The following COA1 variants were observed in gnomAD, a reference collection of about 807,000 sequenced individuals.
The protein encoded by COA1 is cytochrome c oxidase assembly factor 1 homolog.
In COA1, 13 loss-of-function variants were observed where a neutral mutation model predicts 16.0. The observed-to-expected ratio is 0.81, with a 90% CI of 0.53 to 1.29. COA1 has a LOEUF of 1.29. Among genes scored for constraint, COA1 ranks in the 50% most tolerant of loss-of-function variants. The pLI, the probability that COA1 is intolerant of heterozygous loss-of-function variation, is 0.00. For synonymous variants in COA1, 65 were observed against 65.7 expected (o/e 0.99, Z 0.05); for missense variants, 179 against 177.0 (o/e 1.01, Z -0.06).
chr7:43,612,159 G>A (rs897359494), intron 6 of COA1, among the ~76,000 whole-genome samples: 5 of 152,174 alleles, frequency 3.3e-5, no homozygotes, highest in African/African-American at 1.2e-4. Context: ...GGCCTTTGAT[G>A]TTGGAAACTG....
At chr7:43,665,231 A>C (rs1433145345) in intron 1 of COA1, among the ~76,000 whole-genome samples, 2 of 152,208 alleles carry the variant, frequency 1.3e-5, no homozygotes, top group African/African-American at 2.4e-5. Flanking sequence ...AAAAGATTTG[A>C]GCTTTCAATC....
At chr7:43,663,517 A>C (rs1424659442) in intron 1 of COA1, among the ~76,000 whole-genome samples, 1 of 152,068 alleles carries the variant, frequency 6.6e-6, no homozygotes, top group Admixed American at 6.6e-5. Context: ...AAAACTAAAG[A>C]CAAAAACTTA....
chr7:43,687,887 C>G (rs1987767), intron 1 of COA1, among the ~76,000 whole-genome samples: 107,611 of 151,992 alleles, frequency 0.71, 38,588 homozygotes, highest in African/African-American at 0.84. Context: ...ATCTTGAATT[C>G]TATCTCCCAG....
intron 6 of COA1, chr7:43,619,824 A>G (rs1436098149): frequency 1.5e-5 from 21 of 1,410,822 alleles, no homozygotes; most frequent in South Asian, 6.9e-5. Context: ...GCTATCTACT[A>G]TGTTGAAATT....
chr7:43,728,790 G>C (rs1160152354), intron 1 of COA1, among the ~76,000 whole-genome samples: 1 of 152,170 alleles, frequency 6.6e-6, no homozygotes, highest in Non-Finnish European at 1.5e-5. Flanking sequence ...GGGGAGAATG[G>C]GGAGGAATCA....
intron 1 of COA1, among the ~76,000 whole-genome samples, chr7:43,687,796 T>C (rs1298166444): frequency 6.6e-6 from 1 of 152,132 alleles, no homozygotes; most frequent in African/African-American, 2.4e-5. Context: ...AAAAATTCTT[T>C]GTAATTCAAG....
At chr7:43,624,489 T>C (rs781759654) in intron 6 of COA1, 1 of 1,574,448 alleles carries the variant, frequency 6.4e-7, no homozygotes, top group Non-Finnish European at 8.6e-7. Context: ...TTCTAACATG[T>C]CTTAACTGTA....
chr7:43,667,484 G>C (rs1482269491), intron 1 of COA1, among the ~76,000 whole-genome samples: 1 of 151,902 alleles, frequency 6.6e-6, no homozygotes. Flanking sequence ...CATAATTAAG[G>C]GTAAAGTTAT....
chr7:43,623,269 T>G, intron 6 of COA1: 1 of 293,444 alleles, frequency 3.4e-6, no homozygotes, highest in Non-Finnish European at 6.3e-6. Flanking sequence ...CATGATCTGA[T>G]AGAGACAATG....
chr7:43,721,380 C>T (rs2095502448), intron 1 of COA1, among the ~76,000 whole-genome samples: 1 of 152,192 alleles, frequency 6.6e-6, no homozygotes, highest in South Asian at 2.1e-4. Context: ...ATTAGTAAAT[C>T]CTATTATATA....
At chr7:43,676,528 G>A (rs897840891) in intron 1 of COA1, among the ~76,000 whole-genome samples, 8 of 152,130 alleles carry the variant, frequency 5.3e-5, no homozygotes, top group South Asian at 2.1e-4. Flanking sequence ...CTCATGTGCA[G>A]AAGCTAAAAA....
At chr7:43,682,289 A>C (rs2093803950) in intron 1 of COA1, among the ~76,000 whole-genome samples, 1 of 152,214 alleles carries the variant, frequency 6.6e-6, no homozygotes, top group Non-Finnish European at 1.5e-5. Context: ...ACAACTTTAA[A>C]ACTGAGAAAT....
intron 1 of COA1, chr7:43,648,924 A>T (rs1215390318): frequency 3.0e-6 from 1 of 331,844 alleles, no homozygotes; most frequent in East Asian, 5.3e-5. Context: ...CACAAGGGAG[A>T]ACCGCAGACA....
chr7:43,652,353 A>G (rs145133925), intron 1 of COA1, among the ~76,000 whole-genome samples: 1 of 152,288 alleles, frequency 6.6e-6, no homozygotes, highest in Non-Finnish European at 1.5e-5. Flanking sequence ...CTGGGTAACT[A>G]CTACGGACCA....
At chr7:43,710,333 A>G (rs1169108444) in intron 1 of COA1, among the ~76,000 whole-genome samples, 1 of 135,174 alleles carries the variant, frequency 7.4e-6, no homozygotes. Flanking sequence ...TGGGTGAAAG[A>G]GCAAGACTCT....
chr7:43,619,535 T>C, intron 6 of COA1: 1 of 1,567,796 alleles, frequency 6.4e-7, no homozygotes, highest in Middle Eastern at 1.7e-4. Flanking sequence ...TTTTATGGGC[T>C]GCATGTTTTG....
At chr7:43,614,222 T>C (rs542948031) in intron 6 of COA1, among the ~76,000 whole-genome samples, 23 of 152,310 alleles carry the variant, frequency 1.5e-4, no homozygotes, top group African/African-American at 5.5e-4. Flanking sequence ...AAGATGAAGA[T>C]ACCGAGATAA....
At chr7:43,699,817 C>A (rs1052714581) in intron 1 of COA1, among the ~76,000 whole-genome samples, 3 of 151,840 alleles carry the variant, frequency 2.0e-5, no homozygotes, top group Non-Finnish European at 4.4e-5. Flanking sequence ...GCAGGAGGTG[C>A]GGAATTCTTG....
chr7:43,687,301 T>G (rs1051218380), intron 1 of COA1, among the ~76,000 whole-genome samples: 1 of 152,202 alleles, frequency 6.6e-6, no homozygotes, highest in African/African-American at 2.4e-5. Flanking sequence ...ACACTCAGCT[T>G]TCATTACTAT....
Sources: allele counts gnomAD v4.1 joint callset (sites outside exome capture counted in the v4.1 genomes callset), GRCh38; gene constraint gnomAD v4.1.1; transcripts MANE v1.5; gene names NCBI Gene and HGNC (gene_info 2026-07-23, HGNC 2026-07-21).